The following BSPRY variants were observed in gnomAD, a reference collection of about 807,000 sequenced individuals.
BSPRY encodes B-box and SPRY domain containing.
BSPRY carries 33 observed loss-of-function variants against 38.0 expected under a neutral mutation model. The ratio of observed to expected loss-of-function variants is 0.87; its 90% CI spans 0.66 to 1.16. The LOEUF is 1.16. Ranked by LOEUF, BSPRY falls within the 50% of genes most tolerant of loss-of-function variation. The probability of loss-of-function intolerance (pLI) is 0.00; values close to 1 mark genes in which losing one functional copy is unlikely to be tolerated. For missense variants in BSPRY, 523 were observed against 533.2 expected (o/e 0.98, Z 0.19); for synonymous variants, 224 against 228.5 (o/e 0.98, Z 0.18).
intron 3 of BSPRY, among the ~76,000 whole-genome samples, chr9:113,362,018 A>G (rs1362874622): frequency 1.3e-5 from 2 of 152,226 alleles, no homozygotes; most frequent in African/African-American, 4.8e-5. Context: ...GACAGTCACA[A>G]TAGAAGACTC....
At chr9:113,364,829 ATAATC>A (rs1386318360) in intron 4 of BSPRY, among the ~76,000 whole-genome samples, 1 of 152,186 alleles carries the variant, frequency 6.6e-6, no homozygotes, top group East Asian at 1.9e-4. Flanking sequence ...ATATAATACT[ATAATC>A]TAATACACAG....
chr9:113,349,901 G>T, intron 1 of BSPRY, 121 bp downstream of exon 1: 1 of 1,169,296 alleles, frequency 8.6e-7, no homozygotes. Context: ...CCGGAGCCTA[G>T]GCTCCTCGGT....
intron 3 of BSPRY, among the ~76,000 whole-genome samples, 164 bp from the exon 4 acceptor site, chr9:113,362,205 G>GTGT (rs1190165189): frequency 6.6e-6 from 1 of 150,718 alleles, no homozygotes; most frequent in Admixed American, 6.6e-5. Flanking sequence ...GTGTGTGTGT[G>GTGT]TGTGTGTGTA....
chr9:113,351,324 C>T (rs1588059503), intron 1 of BSPRY, among the ~76,000 whole-genome samples: 1 of 152,148 alleles, frequency 6.6e-6, no homozygotes, highest in East Asian at 1.9e-4. Flanking sequence ...GTCTTTTGCA[C>T]ATTCCTTCCT....
At position 113,360,756 on chromosome 9, in the gene BSPRY, A is replaced by G. The variant is rs774831369; in HGVS notation, c.531+19A>G. ...GCTGATTGTAAGTCAGGCAAGGGTG[A>G]GGGCATGACCAGTTGGCCAGGCTCC... On this transcript the variant is annotated intron_variant, in intron 3 of 5. Coordinates refer to ENST00000374183, the MANE Select transcript of BSPRY (RefSeq NM_017688.3). 2 of 1,554,974 alleles carry G rather than the reference A, an allele frequency of 1.3e-6. No homozygotes were observed. Among genetic ancestry groups the G allele is most frequent in the Non-Finnish European group, 1.7e-6 (2 of 1,146,858 alleles).
intron 3 of BSPRY, among the ~76,000 whole-genome samples, chr9:113,361,395 T>C (rs1262712700): frequency 6.6e-6 from 1 of 152,236 alleles, no homozygotes; most frequent in Non-Finnish European, 1.5e-5. Context: ...CATTGTATAC[T>C]GAGTGCCTAT....
intron 3 of BSPRY, among the ~76,000 whole-genome samples, chr9:113,361,165 A>G (rs1834147647): frequency 1.3e-5 from 2 of 151,576 alleles, no homozygotes; most frequent in Non-Finnish European, 2.9e-5. Flanking sequence ...CTAACCCCCA[A>G]CCCTGCTCCT....
rs1460568537 is a variant in BSPRY, at chr9:113,368,370, T to C, written c.669T>C (p.Leu223=). ...LLTQLWATAV[L]GSLSGTEDIR... ...CCCAACTCTGGGCAACGGCGGTTCT[T>C]GGGTCTCTCTCAGGTTAGGAGCAGT... is the stretch of plus-strand genomic sequence containing the variant. Residue 223 remains leucine (L), a synonymous_variant, in exon 5 of 6, where the codon CTT becomes CTC. Transcript: ENST00000374183. 1 of 1,614,012 alleles carries C rather than the reference T, an allele frequency of 6.2e-7. No homozygotes were observed. The highest frequency in any genetic ancestry group is 1.3e-5 in the African/African-American group (1 of 74,914).
chr9:113,371,181 CA>C lies in BSPRY; in HGVS notation c.*1041del, dbSNP rs1436130812. 1 of 152,258 alleles carries C rather than the reference CA, an allele frequency of 6.6e-6. No individual in the cohort carries two copies. Among genetic ancestry groups the C allele is most frequent in the Middle Eastern group, 3.2e-3 (1 of 316 alleles). The allele number at this position is 152,258 out of a possible 1,614,324, so 9.4% of individuals were successfully genotyped here. On this transcript the variant is annotated 3_prime_UTR_variant, in exon 6 of 6. Coordinates refer to ENST00000374183, the MANE Select transcript of BSPRY (RefSeq NM_017688.3). ...AAAGAGCTGAGGGAGTTAAGAGGGC[CA>C]ACCTTAGGGCACGTGGGCATTATTA...
chr9:113,362,545 T>C, intron 4 of BSPRY, 151 bp downstream of exon 4: 1 of 792,628 alleles, frequency 1.3e-6, no homozygotes, highest in Non-Finnish European at 2.1e-6. Context: ...GGACAGGGAA[T>C]GTCTCTGCCC....
In BSPRY at chr9:113,349,609, G is replaced by T; in HGVS notation, c.30G>T (p.Pro10=). MSAEGAEPG[P]GSGSGPGPGP... ...CCGCCGAGGGCGCGGAGCCGGGGCC[G>T]GGGTCCGGGTCCGGGCCCGGGCCGG... The change falls in exon 1 of 6, where the codon CCG becomes CCT. Residue 10 remains proline, a synonymous_variant. Coordinates refer to ENST00000374183, the MANE Select transcript of BSPRY (RefSeq NM_017688.3). 8.4e-7 allele frequency: 1 copy of T among 1,191,362 alleles called. No homozygotes were observed. Among genetic ancestry groups the T allele is most frequent in the Non-Finnish European group, 1.0e-6 (1 of 961,930 alleles). 73.8% of individuals were successfully genotyped at this position (1,191,362 alleles called of 1,614,324 possible). A position where few individuals can be genotyped will look rare whatever the true frequency, so the allele number is the denominator to read the frequency against.
Position 113,368,345 on chromosome 9 carries a change from C to A in BSPRY, c.644C>A (p.Thr215Asn), listed in dbSNP as rs756270735. The A allele has an allele frequency of 6.2e-7, 1 of 1,614,022 alleles. No homozygotes were observed. Among genetic ancestry groups the A allele is most frequent in the East Asian group, 2.2e-5 (1 of 44,888 alleles). ...AAGTGCACTCGGAGCCCACTACTGACCCAACTCTGGGCAACGGCGGTTCTT... is the reference window on the plus strand; with the variant it reads ...AAGTGCACTCGGAGCCCACTACTGAACCAACTCTGGGCAACGGCGGTTCTT... ...NEKCTRSPLL[T>N]QLWATAVLGS... is the part of the protein sequence containing the mutation. The change falls in exon 5 of 6, where the codon ACC becomes AAC. Residue 215 changes from threonine to asparagine, a missense_variant. Transcript: ENST00000374183.
In BSPRY at chr9:113,369,811, A is replaced by G; in HGVS notation, c.878A>G (p.Gln293Arg). 6.2e-7 allele frequency: 1 copy of G among 1,614,244 alleles called. No homozygotes were observed. Among genetic ancestry groups the G allele is most frequent in the East Asian group, 2.2e-5 (1 of 44,874 alleles). ...NGLHAWMVNV[Q>R]NSCAYKVGVA... The stretch of plus-strand genomic sequence containing the variant: ...CTCCATGCCTGGATGGTGAATGTCC[A>G]GAACAGTTGTGCCTATAAGGTGGGC... Residue 293 changes from glutamine (Q) to arginine (R), a missense_variant, in exon 6 of 6, where the codon CAG (glutamine) becomes CGG (arginine). Gln to Arg is a conservative substitution (Grantham distance 43). Transcript: ENST00000374183.
At chr9:113,360,319 C>G (rs1253908384) in intron 2 of BSPRY, among the ~76,000 whole-genome samples, 188 bp from the exon 3 acceptor site, 1 of 152,148 alleles carries the variant, frequency 6.6e-6, no homozygotes, top group East Asian at 1.9e-4. Flanking sequence ...TTACCCTAAA[C>G]CATATTTGGG....
chr9:113,351,069 G>A (rs189671539), intron 1 of BSPRY, among the ~76,000 whole-genome samples: 1 of 152,302 alleles, frequency 6.6e-6, no homozygotes. Context: ...TGCTTCGGCG[G>A]TTGGAGGGAG....
chr9:113,366,678 C>G (rs569657778), intron 4 of BSPRY, among the ~76,000 whole-genome samples: 1 of 152,386 alleles, frequency 6.6e-6, no homozygotes, highest in African/African-American at 2.4e-5. Context: ...CCGCTGACAT[C>G]AGCTCCTCTT....
chr9:113,352,475 A>G (rs889628981), intron 1 of BSPRY, among the ~76,000 whole-genome samples: 2 of 147,886 alleles, frequency 1.4e-5, no homozygotes, highest in African/African-American at 5.1e-5. Flanking sequence ...GCAGTTGGGG[A>G]GTGAGACACA....
intron 1 of BSPRY, among the ~76,000 whole-genome samples, chr9:113,351,182 G>T (rs1163953791): frequency 6.6e-6 from 1 of 152,170 alleles, no homozygotes; most frequent in Non-Finnish European, 1.5e-5. Context: ...CAGGTGGCAG[G>T]CCTGGTGCTA....
At chr9:113,368,793 C>G (rs1351858915) in intron 5 of BSPRY, among the ~76,000 whole-genome samples, 1 of 152,204 alleles carries the variant, frequency 6.6e-6, no homozygotes, top group Non-Finnish European at 1.5e-5. Flanking sequence ...CACACACTGA[C>G]TCAGGCCAAC....
Sources: gnomAD v4.1 joint callset for allele counts (sites outside exome capture counted in the v4.1 genomes callset) on GRCh38, gnomAD v4.1.1 for gene constraint, MANE v1.5 for transcripts, NCBI Gene and HGNC (gene_info 2026-07-23, HGNC 2026-07-21) for gene names.